Variants in ESS2 observed in about 807,000 individuals in gnomAD.
The protein encoded by ESS2 is ess-2 spliceosome associated protein.
ESS2 carries 31 observed loss-of-function variants against 52.0 expected under a neutral mutation model. The ratio of observed to expected loss-of-function variants is 0.60; its 90% CI spans 0.45 to 0.81. ESS2 has a LOEUF of 0.81. ESS2 is among the 30% of genes least tolerant of loss of function. The probability of loss-of-function intolerance (pLI) is 0.00; values close to 1 mark genes in which losing one functional copy is unlikely to be tolerated. For missense variants in ESS2, 602 were observed against 637.2 expected (o/e 0.94, Z 0.59); for synonymous variants, 285 against 259.2 (o/e 1.10, Z -0.95).
At position 19,140,081 on chromosome 22, in the gene ESS2, G is replaced by C. The variant is rs1027115921; in HGVS notation, c.401-57C>G. ...CACCCTTTGCAGTCAGGAAAGAGGA[G>C]GACACCCAGGCCCAGGAATCATAGC... On this transcript the variant is annotated intron_variant, in intron 3 of 9. Transcript: ENST00000252137. 9.4e-6 allele frequency: 15 copies of C among 1,587,392 alleles called. No homozygotes were observed. The Admixed American group carries it at 2.5e-4, about 27-fold the overall frequency.
rs1422837448 is a variant in ESS2, at chr22:19,144,553, C to G, written c.88G>C (p.Ala30Pro). Residue 30 changes from alanine to proline, a missense_variant, in exon 1 of 10, where the codon GCT (alanine) becomes CCT (proline). By Grantham distance (27) the Ala-to-Pro change is conservative. Transcript: ENST00000252137. Reference sequence around the variant, plus strand: ...AGGACCCGCTGCTTGCTCGTCGCAGCCCCAGCCTCTCCCGCCTCGCGCTTC... The same window carrying G: ...AGGACCCGCTGCTTGCTCGTCGCAGGCCCAGCCTCTCCCGCCTCGCGCTTC... Reference protein sequence around the residue: ...PRKREAGEAGAATSKQRVLDE... With the variant: ...PRKREAGEAGPATSKQRVLDE... The G allele has an allele frequency of 1.2e-6, 2 of 1,608,668 alleles. No homozygotes were observed. The highest frequency in any genetic ancestry group is 1.7e-6 in the Non-Finnish European group (2 of 1,177,594).
In ESS2 at chr22:19,142,683, T is replaced by C. The variant is rs762377154; in HGVS notation, c.304+43A>G. 10 of 1,609,978 alleles carry C rather than the reference T, an allele frequency of 6.2e-6. No homozygotes were observed. The South Asian group carries it at 1.1e-4, about 18-fold the overall frequency. On this transcript the variant is annotated intron_variant, in intron 2 of 9. Transcript: ENST00000252137. ...ATTAGAGTGAGCCTGAAGCGACAGTTCAGCAGGCTTTCCCCTCTCCGCCAC... is the reference window on the plus strand; with the variant it reads ...ATTAGAGTGAGCCTGAAGCGACAGTCCAGCAGGCTTTCCCCTCTCCGCCAC...
rs968553425 is a variant in ESS2 at position 19,131,168 on chromosome 22, C to G, written c.*3028G>C. ...TCCTGCCAGACCAGCCTGGCTTCCACGGTTCCAGAGACCCTGTTCTCCCTC... is the reference window on the plus strand; with the variant it reads ...TCCTGCCAGACCAGCCTGGCTTCCAGGGTTCCAGAGACCCTGTTCTCCCTC... On this transcript the variant is annotated 3_prime_UTR_variant, in exon 10 of 10. Coordinates refer to ENST00000252137, the MANE Select transcript of ESS2 (RefSeq NM_022719.3). This position sits in a 1 kb window ranked among gnomAD's most constrained non-coding sequence, Gnocchi z 5.7. 1.2e-5 allele frequency: 6 copies of G among 503,572 alleles called. No individual in the cohort carries two copies. Among genetic ancestry groups the G allele is most frequent in the Non-Finnish European group, 2.1e-5 (6 of 284,294 alleles). 31.2% of individuals were successfully genotyped at this position (503,572 alleles called of 1,614,324 possible).
At position 19,134,285 on chromosome 22, in the gene ESS2, T is replaced by A. The variant is rs367552506; in HGVS notation, c.1342A>T (p.Thr448Ser). 106 of 1,596,920 alleles carry A rather than the reference T, an allele frequency of 6.6e-5. No individual in the cohort carries two copies. Among genetic ancestry groups the A allele is most frequent in the Non-Finnish European group, 8.5e-5 (99 of 1,170,474 alleles). ...PTSTPAPGSA[T>S]RTPLTQDPAS... ...GGGTCCTGTGTGAGAGGGGTGCGTG[T>A]GGCAGAGCCAGGCGCCGGTGTGCTT... The change falls in exon 10 of 10, where the codon ACA becomes TCA. Residue 448 changes from threonine (T) to serine (S), a missense_variant. Transcript: ENST00000252137.
At chr22:19,136,047 A>AAAAAAAAAAAAAAAAAAAAAAAAAAAC (rs2083575767) in intron 8 of ESS2, among the ~76,000 whole-genome samples, 1 of 150,684 alleles carries the variant, frequency 6.6e-6, no homozygotes, top group African/African-American at 2.4e-5. Context: ...AAAAAAAAAA[A>AAAAAAAAAAAAAAAAAAAAAAAAAAAC]AAAAAAAAGA....
chr22:19,130,517 G>C lies in ESS2; in HGVS notation c.*3679C>G. 2.6e-6 allele frequency: 1 copy of C among 377,694 alleles called. No homozygotes were observed. The highest frequency in any genetic ancestry group is 2.2e-5 in the South Asian group (1 of 45,288). The allele number at this position is 377,694 out of a possible 1,614,324, so 23.4% of individuals were successfully genotyped here. On this transcript the variant is annotated 3_prime_UTR_variant, in exon 10 of 10. Coordinates refer to ENST00000252137, the MANE Select transcript of ESS2 (RefSeq NM_022719.3). ...TTAAAAGGGGCCCAGTGCCTTCAAG[G>C]CCTGTCTACTGTGGTACCGGAGTGA...
At chr22:19,134,555 GGAAGA>G in intron 9 of ESS2, 80 bp from the exon 10 acceptor site, 2 of 1,394,072 alleles carry the variant, frequency 1.4e-6, no homozygotes, top group Non-Finnish European at 9.5e-7. Flanking sequence ...TTGGCTCCCA[GGAAGA>G]GCCTGGGCAG....
At chr22:19,136,031 TA>T (rs377121962) in intron 8 of ESS2, among the ~76,000 whole-genome samples, 1,456 of 92,526 alleles carry the variant, frequency 0.016, 40 homozygotes, top group East Asian at 0.096. Flanking sequence ...CCCTATCTGT[TA>T]AAAAAAAAAA....
At chr22:19,134,568 CAG>C (rs1300666988) in intron 9 of ESS2, 93 bp from the exon 10 acceptor site, 1 of 1,303,862 alleles carries the variant, frequency 7.7e-7, no homozygotes, top group African/African-American at 1.5e-5. Flanking sequence ...AGAGCCTGGG[CAG>C]AGACACAGTC....
chr22:19,137,559 T>G, intron 7 of ESS2, 127 bp from the exon 8 acceptor site: 2 of 930,308 alleles, frequency 2.1e-6, no homozygotes, highest in Non-Finnish European at 3.2e-6. Context: ...CCCTCTCTCC[T>G]TCCCCAGGAC....
At position 19,142,909 on chromosome 22, in the gene ESS2, C is replaced by T. The variant is rs1219567820; in HGVS notation, c.136-15G>A. On this transcript the variant is annotated splice_polypyrimidine_tract_variant and intron_variant, in intron 1 of 9. Coordinates refer to ENST00000252137, the MANE Select transcript of ESS2 (RefSeq NM_022719.3). ...GTCTGGAGGCCCTGCAAGGAGAGAT[C>T]AGAATGAAAGTCAGAGGCCAGGCGC... The T allele has an allele frequency of 1.2e-6, 2 of 1,607,918 alleles. No individual in the cohort carries two copies. The highest frequency in any genetic ancestry group is 1.7e-6 in the Non-Finnish European group (2 of 1,177,208).
chr22:19,139,645 T>C lies in ESS2; in HGVS notation c.655A>G (p.Lys219Glu). The C allele has an allele frequency of 6.2e-7, 1 of 1,614,186 alleles. No individual in the cohort carries two copies. Among genetic ancestry groups the C allele is most frequent in the Non-Finnish European group, 8.5e-7 (1 of 1,180,024 alleles). The change falls in exon 5 of 10, where the codon AAG becomes GAG. Residue 219 changes from lysine to glutamate, a missense_variant. Transcript: ENST00000252137. ...SQASVETWKY[K>E]AKNSLMYYPE... is the part of the protein sequence containing the mutation. The stretch of plus-strand genomic sequence containing the variant: ...TAGTACATGAGGGAATTCTTGGCCT[T>C]GTACTTCCAGGTCTCCACACTGGCC...
intron 9 of ESS2, among the ~76,000 whole-genome samples, chr22:19,134,813 A>G (rs1182786776): frequency 3.9e-5 from 6 of 152,136 alleles, no homozygotes; most frequent in Non-Finnish European, 8.8e-5. Context: ...CCACACGCCT[A>G]AAGATGCCTC....
At position 19,131,528 on chromosome 22, in the gene ESS2, C is replaced by T. The variant is rs1435911550; in HGVS notation, c.*2668G>A. The T allele has an allele frequency of 3.1e-6, 5 of 1,614,040 alleles. No individual in the cohort carries two copies. The highest frequency in any genetic ancestry group is 1.7e-5 in the Admixed American group (1 of 60,006). On this transcript the variant is annotated 3_prime_UTR_variant, in exon 10 of 10. Coordinates refer to ENST00000252137, the MANE Select transcript of ESS2 (RefSeq NM_022719.3). This position sits in a 1 kb window ranked among gnomAD's most constrained non-coding sequence, Gnocchi z 5.7. The stretch of plus-strand genomic sequence containing the variant: ...AGTTCAATGTGGCTGTCAAGATCAT[C>T]GACCGCAAGAAAACACCTACTGACT...
chr22:19,143,469 T>A (rs1246040173), intron 1 of ESS2, among the ~76,000 whole-genome samples: 1 of 152,186 alleles, frequency 6.6e-6, no homozygotes, highest in African/African-American at 2.4e-5. Flanking sequence ...TGCTAACTGG[T>A]CATTCTCATT....
At chr22:19,140,311 A>C (rs2083663367) in intron 3 of ESS2, among the ~76,000 whole-genome samples, 1 of 152,186 alleles carries the variant, frequency 6.6e-6, no homozygotes, top group Non-Finnish European at 1.5e-5. Context: ...AGACTGGAGA[A>C]AGCAATACAG....
chr22:19,137,397 C>A lies in ESS2; in HGVS notation c.961G>T (p.Val321Phe), dbSNP rs1171417356. 1.2e-6 allele frequency: 2 copies of A among 1,613,740 alleles called. No homozygotes were observed. The highest frequency in any genetic ancestry group is 1.1e-5 in the South Asian group (1 of 91,052). Residue 321 changes from valine (V) to phenylalanine (F), a missense_variant, in exon 8 of 10, where the codon GTT becomes TTT. Physicochemically the swap from Val to Phe is conservative, Grantham distance 50 (BLOSUM62 -1). Coordinates refer to ENST00000252137, the MANE Select transcript of ESS2 (RefSeq NM_022719.3). ...TCAACTCTCAAGGGTGTGTTCTCAA[C>A]CTCCCCCCAGGTCATCATCGGGGAC... ...NESPMMTWGE[V>F]ENTPLRVEGS...
intron 3 of ESS2, 61 bp from the exon 4 acceptor site, chr22:19,140,085 A>G: frequency 6.3e-7 from 1 of 1,582,268 alleles, no homozygotes; most frequent in Non-Finnish European, 8.6e-7. Context: ...AGAGGAGGAC[A>G]CCCAGGCCCA....
intron 8 of ESS2, 112 bp downstream of exon 8, chr22:19,137,211 G>A: frequency 1.3e-6 from 1 of 747,922 alleles, no homozygotes; most frequent in Non-Finnish European, 2.2e-6. Context: ...CCAGCACTCT[G>A]CCCGTCAGCA....
Sources: allele counts gnomAD v4.1 joint callset (sites outside exome capture counted in the v4.1 genomes callset), GRCh38; gene constraint gnomAD v4.1.1; non-coding constraint Gnocchi (gnomAD v3.1); transcripts MANE v1.5; gene names NCBI Gene and HGNC (gene_info 2026-07-23, HGNC 2026-07-21).